Variants in STK26 observed in about 807,000 individuals in gnomAD.
The protein encoded by STK26 is serine/threonine-protein kinase 26.
In STK26, 14 loss-of-function variants were observed where a neutral mutation model predicts 34.7. That is an observed-to-expected ratio of 0.40 (90% CI 0.27 to 0.63). The LOEUF (loss-of-function observed/expected upper bound fraction) is 0.63. STK26 is among the 30% of genes least tolerant of loss of function. STK26 has a pLI of 0.38. For synonymous variants in STK26, 100 were observed against 109.8 expected, an observed-to-expected ratio of 0.91 and a Z score of 0.56; for missense variants, 226 against 309.1, an observed-to-expected ratio of 0.73 and a Z score of 2.02.
chrX:132,072,802 T>C lies in STK26; in HGVS notation c.1027-11T>C. On this transcript the variant is annotated splice_polypyrimidine_tract_variant and intron_variant, in intron 9 of 11. Transcript: ENST00000394334. ...AATTTCATGTGTATAATCTATATTA[T>C]TTGTTCAAAGGAGCAAGATCTTGTG... The C allele has an allele frequency of 5.0e-6, 6 of 1,203,079 alleles. No individual in the cohort carries two copies. The highest frequency in any genetic ancestry group is 6.8e-6 in the Non-Finnish European group (6 of 887,969).
intron 4 of STK26, among the ~76,000 whole-genome samples, chrX:132,064,222 A>G (rs925011530): frequency 8.9e-6 from 1 of 112,029 alleles, no homozygotes; most frequent in Non-Finnish European, 1.9e-5. Context: ...ATTGACTAAG[A>G]TAGTGGTACT....
At position 132,044,832 on chromosome X, in the gene STK26, G is replaced by T. The variant is rs1433086523; in HGVS notation, c.43-9799G>T. On this transcript the variant is annotated intron_variant, in intron 2 of 11. Transcript: ENST00000394334. The stretch of plus-strand genomic sequence containing the variant: ...CTATATATATATTTATATATATAGA[G>T]AGAGATCTATATATATATTTATATA... Among the ~76,000 whole-genome samples, 28 of 82,013 alleles carry T rather than the reference G, an allele frequency of 3.4e-4. 1 individual carries two copies. The highest frequency in any genetic ancestry group is 1.1e-3 in the Admixed American group (8 of 7,111). 71.2% of individuals were successfully genotyped at this position (82,013 alleles called of 115,157 possible).
Position 132,073,709 on chromosome X carries a change from A to G in STK26, c.1227-426A>G, listed in dbSNP as rs760794238. On this transcript the variant is annotated intron_variant, in intron 11 of 11. Transcript: ENST00000394334. ...ATACACTCCTTAGCTCAAGCAAGCT[A>G]TAAGGTGATACTGATTTTAGCCTTG... Among the ~76,000 whole-genome samples the G allele has an allele frequency of 5.3e-5, 6 of 112,236 alleles. No homozygotes were observed. In the South Asian group the frequency reaches 1.8e-3, roughly 34 times the overall value.
At chrX:132,072,041 A>G (rs756385629) in intron 8 of STK26, among the ~76,000 whole-genome samples, 4 of 111,685 alleles carry the variant, frequency 3.6e-5, no homozygotes, top group Non-Finnish European at 5.6e-5. Flanking sequence ...GTATTTATCT[A>G]TGGTAGGAGG....
chrX:132,060,600 TTTTTG>T (rs1569334164), intron 3 of STK26, among the ~76,000 whole-genome samples: 1 of 110,318 alleles, frequency 9.1e-6, no homozygotes, highest in African/African-American at 3.3e-5. Flanking sequence ...GGTGGTTTTT[TTTTTG>T]TTTTGTTTTT....
At chrX:132,031,100 C>G (rs1925821397) in intron 2 of STK26, among the ~76,000 whole-genome samples, 1 of 110,598 alleles carries the variant, frequency 9.0e-6, no homozygotes, top group Non-Finnish European at 1.9e-5. Context: ...CCATGCCTGG[C>G]TAATTTTTGT....
intron 2 of STK26, among the ~76,000 whole-genome samples, chrX:132,040,009 T>A (rs760370596): frequency 8.9e-6 from 1 of 112,149 alleles, no homozygotes; most frequent in African/African-American, 3.2e-5. Flanking sequence ...TTTTTTCATA[T>A]AAGGATTCTT....
At chrX:132,041,794 T>G (rs1398880135) in intron 2 of STK26, among the ~76,000 whole-genome samples, 4 of 111,466 alleles carry the variant, frequency 3.6e-5, no homozygotes, top group Admixed American at 9.6e-5. Context: ...GATTTAGTAC[T>G]AGATGTTGAT....
rs184790008 is a variant in STK26, at chrX:132,039,665, A to C, written c.43-14966A>C. Among the ~76,000 whole-genome samples, 496 of 112,126 alleles carry C rather than the reference A, an allele frequency of 4.4e-3. 3 individuals carry two copies. The highest frequency in any genetic ancestry group is 5.3e-3 in the Non-Finnish European group (284 of 53,168). On this transcript the variant is annotated intron_variant, in intron 2 of 11. Transcript: ENST00000394334. ...TAACTGAAGCAATGAATGTGTAATT[A>C]TGCTTTTACTGTGTGTATTTAATTT... is the stretch of plus-strand genomic sequence containing the variant.
chrX:132,073,001 T>G lies in STK26; in HGVS notation c.1134T>G (p.Ile378Met). The change falls in exon 11 of 12, where the codon ATT (isoleucine) becomes ATG (methionine). Residue 378 changes from isoleucine to methionine, a missense_variant. Ile to Met is a conservative substitution (Grantham distance 10). Around this residue, in one of 2 missense-constraint regions of STK26, gnomAD observed 126 missense variants for 132.4 expected, o/e 0.95. Coordinates refer to ENST00000394334, the MANE Select transcript of STK26 (RefSeq NM_016542.4). Reference sequence around the variant, plus strand: ...ATAACGCTAGCAGGAATCAGGCGATTGAAGAACTCGAGAAAAGTATTGCTG... The same window carrying G: ...ATAACGCTAGCAGGAATCAGGCGATGGAAGAACTCGAGAAAAGTATTGCTG... ...DENNASRNQAIEELEKSIAVA... is the reference protein window; with the variant it reads ...DENNASRNQAMEELEKSIAVA... 8.3e-7 allele frequency: 1 copy of G among 1,211,101 alleles called. No individual in the cohort carries two copies. Among genetic ancestry groups the G allele is most frequent in the Non-Finnish European group, 1.1e-6 (1 of 894,810 alleles).
intron 3 of STK26, among the ~76,000 whole-genome samples, chrX:132,062,928 A>G (rs965968182): frequency 1.8e-4 from 20 of 111,773 alleles, no homozygotes; most frequent in African/African-American, 6.2e-4. Context: ...AACCATTTTT[A>G]AACCTACATT....
chrX:132,037,769 C>CTGTTTTTTTTTTTTTTTTTTTTTTTTTT (rs1926107579), intron 2 of STK26, among the ~76,000 whole-genome samples: 1 of 51,868 alleles, frequency 1.9e-5, no homozygotes. Flanking sequence ...CGGAGAGCTG[C>CTGTTTTTTTTTTTTTTTTTTTTTTTTTT]TTTTTTTTTT....
At chrX:132,038,832 CTAAAA>C (rs769633333) in intron 2 of STK26, among the ~76,000 whole-genome samples, 15 of 111,008 alleles carry the variant, frequency 1.4e-4, no homozygotes, top group Admixed American at 1.3e-3. Flanking sequence ...CATATATACT[CTAAAA>C]TAAGTTTGCC....
At chrX:132,037,896 A>G (rs983480336) in intron 2 of STK26, among the ~76,000 whole-genome samples, 8 of 108,204 alleles carry the variant, frequency 7.4e-5, no homozygotes, top group African/African-American at 2.7e-4. Flanking sequence ...GTGGGATTCA[A>G]CTAGTTAAAT....
At chrX:132,054,487 A>G (rs1448001721) in intron 2 of STK26, 144 bp from the exon 3 acceptor site, 4 of 499,471 alleles carry the variant, frequency 8.0e-6, no homozygotes, top group Admixed American at 7.9e-5. Context: ...AGTTGTTCTA[A>G]CAAAGCACAT....
chrX:132,049,900 G>T lies in STK26; in HGVS notation c.43-4731G>T, dbSNP rs761500349. Among the ~76,000 whole-genome samples the T allele has an allele frequency of 3.5e-4, 39 of 111,542 alleles. 1 individual carries two copies. Among genetic ancestry groups the T allele is most frequent in the Non-Finnish European group, 6.8e-4 (36 of 53,116 alleles). ...AAACAATTCAACCTTACTCAGCTTG[G>T]TTCTTAGTTCTGGAAGATTCTTTTA... is the stretch of plus-strand genomic sequence containing the variant. On this transcript the variant is annotated intron_variant, in intron 2 of 11. Coordinates refer to ENST00000394334, the MANE Select transcript of STK26 (RefSeq NM_016542.4).
intron 2 of STK26, among the ~76,000 whole-genome samples, chrX:132,044,162 A>G (rs1232691143): frequency 9.0e-6 from 1 of 111,627 alleles, no homozygotes; most frequent in Non-Finnish European, 1.9e-5. Context: ...CATGGTGTGT[A>G]AAGGGCCCTA....
At chrX:132,031,359 G>A (rs900481055) in intron 2 of STK26, among the ~76,000 whole-genome samples, 4 of 111,775 alleles carry the variant, frequency 3.6e-5, no homozygotes, top group African/African-American at 1.3e-4. Flanking sequence ...CTCCCTTCTA[G>A]CTTTCTGAAA....
chrX:132,044,688 T>TATATATAG (rs754725330), intron 2 of STK26, among the ~76,000 whole-genome samples: 2 of 43,401 alleles, frequency 4.6e-5, no homozygotes, highest in Non-Finnish European at 8.3e-5. Flanking sequence ...TATATATATA[T>TATATATAG]AGAGAGAGAG....
Sources: allele counts gnomAD v4.1 joint callset (sites outside exome capture counted in the v4.1 genomes callset), GRCh38; gene constraint gnomAD v4.1.1; regional missense constraint gnomAD v4.1.1; transcripts MANE v1.5; gene names NCBI Gene and HGNC (gene_info 2026-07-23, HGNC 2026-07-21).